The following ANKRD44 variants were observed in gnomAD, a reference collection of about 807,000 sequenced individuals.
The protein encoded by ANKRD44 is serine/threonine-protein phosphatase 6 regulatory ankyrin repeat subunit B.
Under a neutral mutation model 116.0 loss-of-function variants are expected in ANKRD44, and 35 were observed. That is an observed-to-expected ratio of 0.30 (90% CI 0.23 to 0.40). The LOEUF (loss-of-function observed/expected upper bound fraction) is 0.40. Among genes scored for constraint, ANKRD44 ranks in the 10% least tolerant of loss-of-function variants. ANKRD44 has a pLI of 1.00. For missense variants in ANKRD44, 1,014 were observed against 1,242.6 expected (o/e 0.82, Z 2.77); for synonymous variants, 435 against 461.8 (o/e 0.94, Z 0.74).
At chr2:197,131,192 CTTTTT>C (rs11313608) in intron 4 of ANKRD44, among the ~76,000 whole-genome samples, 2 of 130,088 alleles carry the variant, frequency 1.5e-5, no homozygotes, top group Non-Finnish European at 3.4e-5. Context: ...ATAGTAAGTA[CTTTTT>C]TTTTTTTTTT....
Position 196,988,797 on chromosome 2 carries a change from TG to T in ANKRD44, c.*793del. ...AGCTGGTGATTTTTATTTCTCCTTT[TG>T]GCACATGTGCCCACACACTGCCATC... On this transcript the variant is annotated 3_prime_UTR_variant, in exon 28 of 28. Coordinates refer to ENST00000282272, the MANE Select transcript of ANKRD44 (RefSeq NM_001195144.2). The T allele has an allele frequency of 2.0e-6, 2 of 985,482 alleles. No individual in the cohort carries two copies. Among genetic ancestry groups the T allele is most frequent in the Non-Finnish European group, 2.4e-6 (2 of 829,952 alleles). 61.0% of individuals were successfully genotyped at this position (985,482 alleles called of 1,614,324 possible). A position where few individuals can be genotyped will look rare whatever the true frequency, so the allele number is the denominator to read the frequency against.
At chr2:197,230,088 A>G (rs1221385361) in intron 1 of ANKRD44, among the ~76,000 whole-genome samples, 2 of 152,054 alleles carry the variant, frequency 1.3e-5, no homozygotes, top group East Asian at 3.9e-4. Flanking sequence ...GAGGTGTGCA[A>G]TGCAGCCAAC....
intron 1 of ANKRD44, among the ~76,000 whole-genome samples, chr2:197,238,812 C>T (rs2082029267): frequency 6.6e-6 from 1 of 152,016 alleles, no homozygotes; most frequent in South Asian, 2.1e-4. Flanking sequence ...TCAAGCAATT[C>T]TCCTGCCTCA....
At chr2:197,133,408 C>G (rs2079136807) in intron 4 of ANKRD44, among the ~76,000 whole-genome samples, 1 of 151,668 alleles carries the variant, frequency 6.6e-6, no homozygotes, top group Non-Finnish European at 1.5e-5. Context: ...ACCACAGCAG[C>G]CCTACACACT....
chr2:197,237,859 A>G (rs1369943850), intron 1 of ANKRD44, among the ~76,000 whole-genome samples: 2 of 152,250 alleles, frequency 1.3e-5, no homozygotes, highest in Non-Finnish European at 2.9e-5. Context: ...TTTCCTTTCC[A>G]TGCAGTGCAC....
intron 1 of ANKRD44, among the ~76,000 whole-genome samples, chr2:197,262,048 G>A (rs1171756470): frequency 6.6e-6 from 1 of 152,186 alleles, no homozygotes; most frequent in Non-Finnish European, 1.5e-5. Flanking sequence ...TACAATAAGA[G>A]TCTATGAGAA....
intron 1 of ANKRD44, among the ~76,000 whole-genome samples, chr2:197,227,914 A>T (rs2081758570): frequency 6.6e-6 from 1 of 152,288 alleles, no homozygotes; most frequent in South Asian, 2.1e-4. Context: ...TAAGCTGCAC[A>T]TTAAGAAAGA....
chr2:197,079,132 T>C (rs776758874), intron 15 of ANKRD44, among the ~76,000 whole-genome samples: 1 of 152,150 alleles, frequency 6.6e-6, no homozygotes, highest in Admixed American at 6.5e-5. Context: ...TCAAGATTAC[T>C]GAATAGCAAG....
intron 19 of ANKRD44, among the ~76,000 whole-genome samples, chr2:197,008,379 T>C (rs1487985297): frequency 6.6e-6 from 1 of 152,208 alleles, no homozygotes. Context: ...CGGGAAAGAA[T>C]GAAGTGTTGT....
chr2:197,021,003 T>G (rs543231920), intron 17 of ANKRD44, among the ~76,000 whole-genome samples: 205 of 152,124 alleles, frequency 1.3e-3, no homozygotes, highest in African/African-American at 4.6e-3. Context: ...TGTGTCCAAG[T>G]GTTTTCATTG....
downstream of ANKRD44, among the ~76,000 whole-genome samples, chr2:196,982,703 G>C (rs1421959975): frequency 1.3e-5 from 2 of 152,102 alleles, no homozygotes; most frequent in Admixed American, 1.3e-4. Flanking sequence ...ATATTTACTT[G>C]TCTAGGCTAT....
chr2:197,206,796 C>T (rs1447120698), intron 1 of ANKRD44, among the ~76,000 whole-genome samples: 1 of 152,008 alleles, frequency 6.6e-6, no homozygotes, highest in African/African-American at 2.4e-5. Flanking sequence ...ACAGGACTGG[C>T]TCCTCCATCA....
In ANKRD44 at chr2:197,147,028, T is replaced by C; in HGVS notation, c.189A>G (p.Ser63=). 1 of 1,613,418 alleles carries C rather than the reference T, an allele frequency of 6.2e-7. No homozygotes were observed. ...DAEIIELLIL[S]GARVNAKDNM... ...CTTTTGAGTATAGCAGTTATTTACC[T>C]GACAAAATCAGGAGTTCAATGATCT... is the stretch of plus-strand genomic sequence containing the variant. Residue 63 remains serine (S), a splice_region_variant and synonymous_variant, in exon 3 of 28, where the codon TCA becomes TCG. Transcript: ENST00000282272.
rs111362535 is a variant in ANKRD44, at chr2:197,296,994, A to G, written c.27+13584T>C. 1.6e-3 allele frequency among the ~76,000 whole-genome samples: 246 copies of G among 152,302 alleles called. 3 individuals are homozygous for G. Among genetic ancestry groups the G allele is most frequent in the African/African-American group, 5.3e-3 (221 of 41,578 alleles). On this transcript the variant is annotated intron_variant, in intron 1 of 27. Coordinates refer to ENST00000282272, the MANE Select transcript of ANKRD44 (RefSeq NM_001195144.2). ...GATTACTCTATCAACTTTTGTTTTT[A>G]CACACTTCCTCAAAAAGACACAGTT... is the stretch of plus-strand genomic sequence containing the variant.
intron 10 of ANKRD44, among the ~76,000 whole-genome samples, chr2:197,094,842 G>C (rs183461993): frequency 1.5e-3 from 233 of 152,244 alleles, no homozygotes; most frequent in Middle Eastern, 3.4e-3. Context: ...TATTTGCAAC[G>C]AACAGATGTT....
intron 21 of ANKRD44, among the ~76,000 whole-genome samples, chr2:196,980,525 C>A (rs1306503230): frequency 6.6e-6 from 1 of 152,186 alleles, no homozygotes; most frequent in East Asian, 1.9e-4. Flanking sequence ...TTAATTTTCA[C>A]CTAAACAGCA....
chr2:197,103,734 T>C (rs1194902621), intron 9 of ANKRD44, among the ~76,000 whole-genome samples: 1 of 152,084 alleles, frequency 6.6e-6, no homozygotes, highest in Non-Finnish European at 1.5e-5. Flanking sequence ...TGTAGTAAAA[T>C]AGAAATACAA....
At chr2:197,206,949 A>G (rs2081221385) in intron 1 of ANKRD44, among the ~76,000 whole-genome samples, 2 of 152,202 alleles carry the variant, frequency 1.3e-5, no homozygotes, top group Non-Finnish European at 2.9e-5. Context: ...AGTGTATTTC[A>G]TTCAAGGAAA....
At chr2:196,976,951 C>G (rs2075765375) in intron 21 of ANKRD44, among the ~76,000 whole-genome samples, 1 of 152,024 alleles carries the variant, frequency 6.6e-6, no homozygotes, top group Non-Finnish European at 1.5e-5. Flanking sequence ...CACTGAAAAA[C>G]TATTAGTGTT....
Sources: allele counts gnomAD v4.1 joint callset (sites outside exome capture counted in the v4.1 genomes callset), GRCh38; gene constraint gnomAD v4.1.1; transcripts MANE v1.5; gene names NCBI Gene and HGNC (gene_info 2026-07-23, HGNC 2026-07-21).